SEMA5A: variants seen among roughly 807,000 people sequenced by gnomAD.
SEMA5A encodes the protein semaphorin 5A, also known as semaphorin-5A.
Under a neutral mutation model 135.5 loss-of-function variants are expected in SEMA5A, and 55 were observed. The observed-to-expected ratio is 0.41, with a 90% CI of 0.33 to 0.51. The LOEUF (loss-of-function observed/expected upper bound fraction) is 0.51. SEMA5A is among the 20% of genes least tolerant of loss of function. The probability of loss-of-function intolerance (pLI) is 0.37; values close to 1 mark genes in which losing one functional copy is unlikely to be tolerated. For synonymous variants in SEMA5A, 580 were observed against 546.5 expected (o/e 1.06, Z -0.85); for missense variants, 1,290 against 1,419.9 (o/e 0.91, Z 1.47).
At chr5:9,317,259 CT>C (rs1300020471) in intron 5 of SEMA5A, among the ~76,000 whole-genome samples, 109 of 152,156 alleles carry the variant, frequency 7.2e-4, no homozygotes, top group African/African-American at 2.5e-3. Context: ...ATTATCATCA[CT>C]TTAAAAAATC....
chr5:9,484,065 G>T (rs1446167087), intron 1 of SEMA5A, among the ~76,000 whole-genome samples: 1 of 152,116 alleles, frequency 6.6e-6, no homozygotes, highest in Non-Finnish European at 1.5e-5. Flanking sequence ...ATCAAATCCT[G>T]CCACTTCACA....
intron 16 of SEMA5A, among the ~76,000 whole-genome samples, chr5:9,091,516 G>A (rs1739033658): frequency 6.6e-6 from 1 of 152,152 alleles, no homozygotes; most frequent in Admixed American, 6.5e-5. Flanking sequence ...ACACATGGAA[G>A]TACATCTCCT....
At chr5:9,509,249 T>C (rs1736073404) in intron 1 of SEMA5A, among the ~76,000 whole-genome samples, 2 of 113,840 alleles carry the variant, frequency 1.8e-5, no homozygotes, top group South Asian at 6.6e-4. Context: ...TTAGTAGGCA[T>C]CCAACATAAA....
rs192831367 is a variant in SEMA5A at position 9,207,281 on chromosome 5, G to A, written c.647-5041C>T. Among the ~76,000 whole-genome samples the A allele has an allele frequency of 4.2e-3, 641 of 151,862 alleles. 1 individual carries two copies. The highest frequency in any genetic ancestry group is 5.9e-3 in the Non-Finnish European group (399 of 67,930). ...GCTCACTGCAACCTCCGCCTCCCAG[G>A]TTCAAGAGATTCTCCTGCCTCAGCC... On this transcript the variant is annotated intron_variant, in intron 8 of 22. Coordinates refer to ENST00000382496, the MANE Select transcript of SEMA5A (RefSeq NM_003966.3).
intron 5 of SEMA5A, among the ~76,000 whole-genome samples, chr5:9,295,464 T>G (rs1174939715): frequency 6.6e-6 from 1 of 152,126 alleles, no homozygotes; most frequent in Non-Finnish European, 1.5e-5. Flanking sequence ...ACACTGAATG[T>G]TTGAATCTTA....
At chr5:9,492,983 C>T (rs1735102936) in intron 1 of SEMA5A, among the ~76,000 whole-genome samples, 1 of 152,024 alleles carries the variant, frequency 6.6e-6, no homozygotes, top group African/African-American at 2.4e-5. Flanking sequence ...ATATACAACA[C>T]CAAGAGTGAA....
rs565425542 is a variant in SEMA5A at position 9,202,392 on chromosome 5, A to G, written c.647-152T>C. On this transcript the variant is annotated intron_variant, in intron 8 of 22. Transcript: ENST00000382496. ...ATTGGGAGGCCCCGTGAGCAGCTTA[A>G]TGATCTACACTGTTGGGAAACTCAG... 3 of 515,102 alleles carry G rather than the reference A, an allele frequency of 5.8e-6. No homozygotes were observed. In the African/African-American group the frequency reaches 6.3e-5, roughly 11 times the overall value. The allele number at this position is 515,102 out of a possible 1,614,324, so 31.9% of individuals were successfully genotyped here.
chr5:9,221,513 A>G (rs40671), intron 8 of SEMA5A, among the ~76,000 whole-genome samples: 64,419 of 150,780 alleles, frequency 0.43, 14,189 homozygotes, highest in Non-Finnish European at 0.49. Flanking sequence ...AGTGTTAGCC[A>G]GGATGGTCTC....
chr5:9,302,648 C>T (rs1380561022), intron 5 of SEMA5A, among the ~76,000 whole-genome samples: 1 of 152,120 alleles, frequency 6.6e-6, no homozygotes, highest in Non-Finnish European at 1.5e-5. Flanking sequence ...ACCTAAGATG[C>T]TATAATATCG....
At chr5:9,468,139 G>A (rs530685448) in intron 1 of SEMA5A, among the ~76,000 whole-genome samples, 4 of 152,290 alleles carry the variant, frequency 2.6e-5, no homozygotes, top group South Asian at 2.1e-4. Flanking sequence ...CCACAAAAAC[G>A]GCAGGGAGGG....
chr5:9,085,719 G>T lies in SEMA5A; in HGVS notation c.2074-19073C>A, dbSNP rs566641945. Among the ~76,000 whole-genome samples the T allele has an allele frequency of 7.2e-5, 11 of 152,342 alleles. No individual in the cohort carries two copies. The South Asian group carries it at 2.3e-3, about 32-fold the overall frequency. Reference sequence around the variant, plus strand: ...AATGTGGGGTCAGAGCCCCCTCACAGTGTCCCTACTGGGGCACAACCTAGT... The same window carrying T: ...AATGTGGGGTCAGAGCCCCCTCACATTGTCCCTACTGGGGCACAACCTAGT... On this transcript the variant is annotated intron_variant, in intron 16 of 22. Transcript: ENST00000382496.
chr5:9,300,977 T>C (rs1056290303), intron 5 of SEMA5A, among the ~76,000 whole-genome samples: 1 of 152,210 alleles, frequency 6.6e-6, no homozygotes, highest in Non-Finnish European at 1.5e-5. Flanking sequence ...TTTAGTTGTT[T>C]TTAAGCCACC....
At chr5:9,345,977 G>T (rs1753848346) in intron 3 of SEMA5A, among the ~76,000 whole-genome samples, 1 of 152,122 alleles carries the variant, frequency 6.6e-6, no homozygotes, top group Admixed American at 6.5e-5. Context: ...AGGGTCCCTG[G>T]AGAAGAATCA....
At chr5:9,408,796 C>G (rs1756996218) in intron 2 of SEMA5A, among the ~76,000 whole-genome samples, 1 of 152,076 alleles carries the variant, frequency 6.6e-6, no homozygotes, top group Admixed American at 6.5e-5. Context: ...TGTGTAGCTA[C>G]TCTACACTGA....
chr5:9,199,052 G>C (rs1472281993), intron 9 of SEMA5A, among the ~76,000 whole-genome samples: 1 of 152,182 alleles, frequency 6.6e-6, no homozygotes, highest in Non-Finnish European at 1.5e-5. Context: ...ACAGGCTGCA[G>C]AGAAATAAAG....
chr5:9,273,208 C>T (rs964543324), intron 5 of SEMA5A, among the ~76,000 whole-genome samples: 2 of 151,916 alleles, frequency 1.3e-5, no homozygotes, highest in Admixed American at 1.3e-4. Context: ...GTATCAATAG[C>T]TGAATCAATT....
Position 9,309,569 on chromosome 5 carries a change from G to A in SEMA5A, c.270+8803C>T, listed in dbSNP as rs541799491. Among the ~76,000 whole-genome samples, 10 of 152,228 alleles carry A rather than the reference G, an allele frequency of 6.6e-5. No individual in the cohort carries two copies. In the South Asian group the frequency reaches 2.1e-3, roughly 32 times the overall value. On this transcript the variant is annotated intron_variant, in intron 5 of 22. Coordinates refer to ENST00000382496, the MANE Select transcript of SEMA5A (RefSeq NM_003966.3). ...TCTTCCCTACTGCCTCTGGAGGCAT[G>A]GATTGAAGACGGGATACCATAAGAG...
intron 3 of SEMA5A, among the ~76,000 whole-genome samples, chr5:9,347,253 T>A (rs16882457): frequency 0.021 from 3,261 of 152,302 alleles, 106 homozygotes; most frequent in African/African-American, 0.073. Flanking sequence ...CTGTTGAAAG[T>A]GAGTCAAGTG....
chr5:9,439,381 T>A (rs1187918098), intron 1 of SEMA5A, among the ~76,000 whole-genome samples: 1 of 152,224 alleles, frequency 6.6e-6, no homozygotes, highest in Admixed American at 6.5e-5. Flanking sequence ...CTAAAATCTA[T>A]TTTACAACAA....
Sources: allele counts gnomAD v4.1 joint callset (sites outside exome capture counted in the v4.1 genomes callset), GRCh38; gene constraint gnomAD v4.1.1; transcripts MANE v1.5; gene names NCBI Gene and HGNC (gene_info 2026-07-23, HGNC 2026-07-21).